The following HS3ST4 variants were observed in gnomAD, a reference collection of about 807,000 sequenced individuals.
HS3ST4 encodes heparan sulfate glucosamine 3-O-sulfotransferase 4.
In HS3ST4, 17 loss-of-function variants were observed where a neutral mutation model predicts 29.2. The ratio of observed to expected loss-of-function variants is 0.58; its 90% CI spans 0.40 to 0.87. The LOEUF (loss-of-function observed/expected upper bound fraction) is 0.87. HS3ST4 is among the 40% of genes least tolerant of loss of function. HS3ST4 has a pLI of 0.00. For missense variants in HS3ST4, 627 were observed against 634.5 expected (o/e 0.99, Z 0.13); for synonymous variants, 314 against 285.7 (o/e 1.10, Z -1.00).
chr16:26,110,728 G>A (rs76227042), intron 1 of HS3ST4, among the ~76,000 whole-genome samples: 2,359 of 152,172 alleles, frequency 0.016, 53 homozygotes, highest in African/African-American at 0.052. Context: ...TGACAGTTCT[G>A]TGCTCAGAAA....
chr16:26,025,074 G>C (rs1411417412), intron 1 of HS3ST4, among the ~76,000 whole-genome samples: 1 of 151,850 alleles, frequency 6.6e-6, no homozygotes, highest in Non-Finnish European at 1.5e-5. Context: ...TTAAGACCAT[G>C]TTGGGTACAT....
chr16:26,074,681 G>A (rs1013073232), intron 1 of HS3ST4, among the ~76,000 whole-genome samples: 4 of 151,470 alleles, frequency 2.6e-5, no homozygotes, highest in South Asian at 2.1e-4. Context: ...TTTATGTTTG[G>A]CATCCATTCA....
At chr16:25,768,632 G>T (rs1025950981) in intron 1 of HS3ST4, among the ~76,000 whole-genome samples, 2 of 152,160 alleles carry the variant, frequency 1.3e-5, no homozygotes. Flanking sequence ...GTCTAAAGCT[G>T]TATGGCCTGA....
chr16:25,856,108 A>G (rs530943984), intron 1 of HS3ST4, among the ~76,000 whole-genome samples: 45 of 152,244 alleles, frequency 3.0e-4, no homozygotes, highest in African/African-American at 9.6e-4. Context: ...TTCACGGGGA[A>G]AAGCTAGTAG....
At chr16:25,926,669 G>A (rs753204268) in intron 1 of HS3ST4, among the ~76,000 whole-genome samples, 7 of 152,158 alleles carry the variant, frequency 4.6e-5, no homozygotes, top group Non-Finnish European at 1.0e-4. Flanking sequence ...TTTATGATTG[G>A]CATTTATAGA....
chr16:26,078,737 C>G (rs1898694120), intron 1 of HS3ST4, among the ~76,000 whole-genome samples: 1 of 152,100 alleles, frequency 6.6e-6, no homozygotes, highest in Non-Finnish European at 1.5e-5. Context: ...TATGTTTGAA[C>G]AAATTCAACA....
At chr16:25,815,928 A>G (rs924047041) in intron 1 of HS3ST4, among the ~76,000 whole-genome samples, 1 of 152,148 alleles carries the variant, frequency 6.6e-6, no homozygotes, top group African/African-American at 2.4e-5. Flanking sequence ...TTTTATAACA[A>G]TTATTTTGGA....
intron 1 of HS3ST4, among the ~76,000 whole-genome samples, chr16:25,702,044 A>G (rs2943335): frequency 0.88 from 134,129 of 152,234 alleles, 59,798 homozygotes; most frequent in East Asian, 1. Context: ...TAGTGGTTTA[A>G]CACTAGAAGC....
intron 1 of HS3ST4, among the ~76,000 whole-genome samples, chr16:25,885,287 C>T (rs1045038968): frequency 1.6e-4 from 25 of 152,250 alleles, no homozygotes; most frequent in Middle Eastern, 3.4e-3. Flanking sequence ...TCAGAATAGC[C>T]ATGTGTAGCC....
chr16:25,742,021 A>G (rs1447411448), intron 1 of HS3ST4, among the ~76,000 whole-genome samples: 1 of 152,208 alleles, frequency 6.6e-6, no homozygotes, highest in Non-Finnish European at 1.5e-5. Flanking sequence ...GTTTCTCATT[A>G]CTGGGAAATT....
chr16:25,801,787 A>G (rs1334969238), intron 1 of HS3ST4, among the ~76,000 whole-genome samples: 1 of 152,152 alleles, frequency 6.6e-6, no homozygotes, highest in Non-Finnish European at 1.5e-5. Flanking sequence ...AGCCTCTTAC[A>G]ATATAGGTTA....
intron 1 of HS3ST4, among the ~76,000 whole-genome samples, chr16:25,789,455 C>A (rs201956299): frequency 3.1e-5 from 1 of 31,890 alleles, no homozygotes; most frequent in Non-Finnish European, 5.5e-5. Context: ...TCCTTCCTTC[C>A]TTCCTTCCTT....
chr16:25,755,460 G>A (rs954541339), intron 1 of HS3ST4, among the ~76,000 whole-genome samples: 6 of 152,284 alleles, frequency 3.9e-5, no homozygotes, highest in Admixed American at 1.3e-4. Flanking sequence ...ACCATGGCAT[G>A]CATGGAGAGG....
intron 1 of HS3ST4, among the ~76,000 whole-genome samples, chr16:25,876,161 C>T (rs1186601006): frequency 2.0e-5 from 3 of 152,136 alleles, no homozygotes; most frequent in Non-Finnish European, 4.4e-5. Flanking sequence ...TGAGCATTCC[C>T]AGAATACAAC....
At position 26,135,969 on chromosome 16, in the gene HS3ST4, C is replaced by T. The variant is rs1382968804; in HGVS notation, c.1092C>T (p.Pro364=). 13 of 1,613,972 alleles carry T rather than the reference C, an allele frequency of 8.1e-6. No individual in the cohort carries two copies. Among genetic ancestry groups the T allele is most frequent in the East Asian group, 6.7e-5 (3 of 44,858 alleles). ...FVSGERLIVD[P]AGEMAKVQDF... ...GTGGTGAGCGACTCATTGTGGACCC[C>T]GCCGGGGAAATGGCCAAAGTACAGG... is the stretch of plus-strand genomic sequence containing the variant. The change falls in exon 2 of 2, where the codon CCC becomes CCT. Residue 364 remains proline (P), a synonymous_variant. Coordinates refer to ENST00000331351, the MANE Select transcript of HS3ST4 (RefSeq NM_006040.3).
At chr16:25,908,554 A>G (rs764467240) in intron 1 of HS3ST4, among the ~76,000 whole-genome samples, 1 of 152,132 alleles carries the variant, frequency 6.6e-6, no homozygotes, top group Non-Finnish European at 1.5e-5. Context: ...TACTCTTTAC[A>G]TTGTCCAGTG....
chr16:25,822,801 G>A (rs1006158527), intron 1 of HS3ST4, among the ~76,000 whole-genome samples: 9 of 151,814 alleles, frequency 5.9e-5, no homozygotes, highest in South Asian at 2.1e-4. Context: ...GCAGTGGTGC[G>A]ATCTCAGCTC....
Position 25,692,084 on chromosome 16 carries a change from G to A in HS3ST4, c.-334G>A, listed in dbSNP as rs1382497647. 6.6e-6 allele frequency: 1 copy of A among 151,142 alleles called. No homozygotes were observed. The highest frequency in any genetic ancestry group is 2.0e-4 in the East Asian group (1 of 5,030). The allele number at this position is 151,142 out of a possible 1,614,324, so 9.4% of individuals were successfully genotyped here. A position where few individuals can be genotyped will look rare whatever the true frequency, so the allele number is the denominator to read the frequency against. ...GAAGCCGCGGCGGAGCCGGGGAAGC[G>A]GGGGCGCTGCAGACGGAGCAGGTGC... On this transcript the variant is annotated 5_prime_UTR_variant, in exon 1 of 2. Transcript: ENST00000331351.
intron 1 of HS3ST4, among the ~76,000 whole-genome samples, chr16:25,932,486 C>T (rs1275952566): frequency 1.3e-5 from 2 of 151,752 alleles, no homozygotes; most frequent in African/African-American, 2.4e-5. Context: ...TTTTTTTTGC[C>T]CCTGCCTCTT....
Sources: allele counts gnomAD v4.1 joint callset (sites outside exome capture counted in the v4.1 genomes callset), GRCh38; gene constraint gnomAD v4.1.1; transcripts MANE v1.5; gene names NCBI Gene and HGNC (gene_info 2026-07-23, HGNC 2026-07-21).